The following SLC60A1 variants were observed in gnomAD, a reference collection of about 807,000 sequenced individuals.
SLC60A1 encodes solute carrier family 60 member 1, also known as major facilitator superfamily domain containing 4.
the SLC60A1 span, among the ~76,000 whole-genome samples, chr1:205,578,842 G>A: frequency 6.6e-6 from 1 of 152,184 alleles, no homozygotes; most frequent in Non-Finnish European, 1.5e-5. Context: ...ACAACCTCCA[G>A]AACCTGCCTG....
chr1:205,597,373 GTTT>G, the SLC60A1 span, among the ~76,000 whole-genome samples: 1,447 of 37,244 alleles, frequency 0.039, 67 homozygotes, highest in African/African-American at 0.081. Context: ...AACCTAGGTT[GTTT>G]TTTTTTTTTT....
the SLC60A1 span, among the ~76,000 whole-genome samples, chr1:205,574,430 C>A: frequency 7.9e-5 from 12 of 152,288 alleles, no homozygotes; most frequent in African/African-American, 2.6e-4. Context: ...AGCAACAGAG[C>A]AAGACCCTAT....
chr1:205,593,687 G>T, the SLC60A1 span, among the ~76,000 whole-genome samples: 12 of 152,010 alleles, frequency 7.9e-5, no homozygotes, highest in African/African-American at 2.4e-4. Context: ...TTTCAAAATG[G>T]AATTTTTTTT....
chr1:205,602,802 T>C, the SLC60A1 span: 1 of 152,216 alleles, frequency 6.6e-6, no homozygotes, highest in Non-Finnish European at 1.5e-5. Flanking sequence ...TTTATACAGA[T>C]TTAGAAAGAA....
the SLC60A1 span, chr1:205,579,490 C>T: frequency 4.7e-5 from 27 of 573,368 alleles, no homozygotes; most frequent in African/African-American, 3.2e-4. Context: ...AAGGAAATAA[C>T]GTGCAATTGT....
chr1:205,591,888 G>T, the SLC60A1 span: 1 of 473,794 alleles, frequency 2.1e-6, no homozygotes, highest in Non-Finnish European at 3.9e-6. Flanking sequence ...TACCGTAGCT[G>T]TTAGGGGAGA....
chr1:205,581,170 AG>A, the SLC60A1 span, among the ~76,000 whole-genome samples: 4 of 152,228 alleles, frequency 2.6e-5, no homozygotes, highest in African/African-American at 9.6e-5. The surrounding 1 kb of genome is among the most constrained non-coding windows in gnomAD (Gnocchi z 4.2). Context: ...AGTGAAAATC[AG>A]GGTCAACTTT....
the SLC60A1 span, among the ~76,000 whole-genome samples, chr1:205,585,379 C>A: frequency 2.0e-5 from 3 of 152,150 alleles, no homozygotes; most frequent in African/African-American, 7.2e-5. The surrounding 1 kb of genome is among the most constrained non-coding windows in gnomAD (Gnocchi z 4.2). Context: ...ACCTGGGTGT[C>A]TCGAGCCAGT....
At chr1:205,575,976 C>A in the SLC60A1 span, among the ~76,000 whole-genome samples, 2 of 152,184 alleles carry the variant, frequency 1.3e-5, no homozygotes, top group African/African-American at 4.8e-5. Flanking sequence ...GATCCTGGCT[C>A]AGTTCTACTC....
the SLC60A1 span, chr1:205,579,717 C>T: frequency 1.9e-6 from 3 of 1,602,370 alleles, no homozygotes; most frequent in African/African-American, 2.7e-5. Flanking sequence ...ATGCTTCCAG[C>T]CCCATCCCCT....
At chr1:205,571,580 C>T in the SLC60A1 span, among the ~76,000 whole-genome samples, 1 of 152,062 alleles carries the variant, frequency 6.6e-6, no homozygotes, top group Non-Finnish European at 1.5e-5. Context: ...GAACTCTTTC[C>T]TTTGGTTAAG....
At chr1:205,586,795 C>A in the SLC60A1 span, among the ~76,000 whole-genome samples, 1 of 151,812 alleles carries the variant, frequency 6.6e-6, no homozygotes, top group African/African-American at 2.4e-5. Context: ...CTCCCAGGTT[C>A]AAGTGATTCT....
chr1:205,596,934 T>C, the SLC60A1 span, among the ~76,000 whole-genome samples: 1 of 152,178 alleles, frequency 6.6e-6, no homozygotes, highest in Non-Finnish European at 1.5e-5. Flanking sequence ...CTAGAGAGGT[T>C]AGAGAACTTG....
chr1:205,591,084 C>G, the SLC60A1 span, among the ~76,000 whole-genome samples: 1 of 152,218 alleles, frequency 6.6e-6, no homozygotes, highest in African/African-American at 2.4e-5. Context: ...CCAGATACAT[C>G]TTGCACAGAA....
At chr1:205,589,422 C>G in the SLC60A1 span, among the ~76,000 whole-genome samples, 2 of 152,110 alleles carry the variant, frequency 1.3e-5, no homozygotes, top group African/African-American at 4.8e-5. Context: ...GTAAGGTGGG[C>G]TTTGAATTTT....
chr1:205,596,463 G>A, the SLC60A1 span, among the ~76,000 whole-genome samples: 1 of 148,824 alleles, frequency 6.7e-6, no homozygotes, highest in Non-Finnish European at 1.5e-5. Flanking sequence ...GCCAGGTGTG[G>A]TGGGGCATGC....
chr1:205,576,529 C>G, the SLC60A1 span, among the ~76,000 whole-genome samples: 2 of 152,148 alleles, frequency 1.3e-5, no homozygotes, highest in Non-Finnish European at 2.9e-5. Flanking sequence ...CAAGGTGGGC[C>G]TAGAACCCAG....
chr1:205,580,324 T>A, the SLC60A1 span, among the ~76,000 whole-genome samples: 1 of 152,040 alleles, frequency 6.6e-6, no homozygotes, highest in Non-Finnish European at 1.5e-5. This position sits in a 1 kb window ranked among gnomAD's most constrained non-coding sequence, Gnocchi z 5.0. Flanking sequence ...TGTGCCCCCT[T>A]CCCTTTAGGG....
At chr1:205,600,245 ACT>A in the SLC60A1 span, 3 of 610,756 alleles carry the variant, frequency 4.9e-6, no homozygotes, top group Non-Finnish European at 8.5e-6. Context: ...GCCTCCACCA[ACT>A]GTTCGCCAGA....
Sources: gnomAD v4.1 joint callset for allele counts (sites outside exome capture counted in the v4.1 genomes callset) on GRCh38, gnomAD v4.1.1 for gene constraint, Gnocchi (gnomAD v3.1) non-coding constraint, MANE v1.5 for transcripts, NCBI Gene and HGNC (gene_info 2026-07-23, HGNC 2026-07-21) for gene names.